LCP2: variants seen among roughly 807,000 people sequenced by gnomAD.
LCP2 encodes 76 kDa tyrosine phosphoprotein.
Under a neutral mutation model 74.5 loss-of-function variants are expected in LCP2, and 29 were observed. That is an observed-to-expected ratio of 0.39 (90% CI 0.29 to 0.53). LCP2 has a LOEUF of 0.53. Ranked by LOEUF, LCP2 falls within the 20% of genes least tolerant of loss-of-function variation. The probability of loss-of-function intolerance (pLI) is 0.72; values close to 1 mark genes in which losing one functional copy is unlikely to be tolerated. For missense variants in LCP2, 604 were observed against 634.6 expected, an observed-to-expected ratio of 0.95 and a Z score of 0.52; for synonymous variants, 228 against 229.5, an observed-to-expected ratio of 0.99 and a Z score of 0.06.
At chr5:170,253,311 A>G in intron 17 of LCP2, 98 bp from the exon 18 acceptor site, 2 of 752,874 alleles carry the variant, frequency 2.7e-6, no homozygotes, top group Non-Finnish European at 4.4e-6. Context: ...CCAAAAAAAT[A>G]CCCTTGCGAT....
At chr5:170,281,428 T>C (rs143188041) in intron 3 of LCP2, among the ~76,000 whole-genome samples, 4,494 of 152,148 alleles carry the variant, frequency 0.03, 108 homozygotes, top group African/African-American at 0.054. Flanking sequence ...TACAGGTGCC[T>C]GCCACCACAC....
intron 3 of LCP2, among the ~76,000 whole-genome samples, chr5:170,282,941 A>G (rs1162445566): frequency 1.3e-5 from 2 of 152,064 alleles, no homozygotes; most frequent in Admixed American, 1.3e-4. Flanking sequence ...TCTCTAACCC[A>G]TTCCTTCCTT....
In LCP2 at chr5:170,268,754, A is replaced by G. The variant is rs991474236; in HGVS notation, c.524-272T>C. Among the ~76,000 whole-genome samples, 11 of 152,152 alleles carry G rather than the reference A, an allele frequency of 7.2e-5. No homozygotes were observed. The South Asian group carries it at 1.7e-3, about 23-fold the overall frequency. On this transcript the variant is annotated intron_variant, in intron 7 of 20. Coordinates refer to ENST00000046794, the MANE Select transcript of LCP2 (RefSeq NM_005565.5). Reference sequence around the variant, plus strand: ...GTATTTATCAGAGATTTTGCCAATCAAGAAAGGCCTCTTTGTAACCAGCTC... The same window carrying G: ...GTATTTATCAGAGATTTTGCCAATCGAGAAAGGCCTCTTTGTAACCAGCTC...
Position 170,297,646 on chromosome 5 carries a change from C to A in LCP2, c.-35G>T. The A allele has an allele frequency of 6.4e-7, 1 of 1,574,518 alleles. No individual in the cohort carries two copies. Among genetic ancestry groups the A allele is most frequent in the Non-Finnish European group, 8.7e-7 (1 of 1,156,022 alleles). On this transcript the variant is annotated 5_prime_UTR_variant, in exon 1 of 21. It removes an upstream start codon present in the reference 5' UTR. Transcript: ENST00000046794. Reference sequence around the variant, plus strand: ...CCCGGGAAGAAGCTCACAAGCTGAGCATGGGCGCTTCACCCATGGGCAGAG... The same window carrying A: ...CCCGGGAAGAAGCTCACAAGCTGAGAATGGGCGCTTCACCCATGGGCAGAG...
In LCP2 at chr5:170,280,134, C is replaced by T. The variant is rs989552598; in HGVS notation, c.189-4274G>A. ...GCTTATGATGTAGAGCGCATTCTTGCCACAGCTCACATAGTAAGAGCTTTG... is the reference window on the plus strand; with the variant it reads ...GCTTATGATGTAGAGCGCATTCTTGTCACAGCTCACATAGTAAGAGCTTTG... On this transcript the variant is annotated intron_variant, in intron 3 of 20. Transcript: ENST00000046794. 4.1e-4 allele frequency among the ~76,000 whole-genome samples: 63 copies of T among 152,202 alleles called. 1 individual carries two copies. The highest frequency in any genetic ancestry group is 1.5e-3 in the African/African-American group (62 of 41,520).
chr5:170,274,002 C>T (rs906335372), intron 6 of LCP2: 4 of 432,430 alleles, frequency 9.3e-6, no homozygotes, highest in Non-Finnish European at 1.7e-5. Flanking sequence ...GCAGCCTACC[C>T]TCTGTGTTTG....
intron 3 of LCP2, among the ~76,000 whole-genome samples, chr5:170,283,273 C>T (rs1482991647): frequency 6.6e-6 from 1 of 152,172 alleles, no homozygotes; most frequent in East Asian, 1.9e-4. Context: ...CCAGCCCATT[C>T]GCAATGTGTT....
intron 2 of LCP2, among the ~76,000 whole-genome samples, chr5:170,289,167 A>G (rs994570949): frequency 1.3e-5 from 2 of 152,184 alleles, no homozygotes; most frequent in East Asian, 3.8e-4. Flanking sequence ...ATACCCACCT[A>G]TCAGGATTGT....
chr5:170,250,991 G>A (rs1287494762), intron 19 of LCP2, 106 bp from the exon 20 acceptor site: 1 of 808,740 alleles, frequency 1.2e-6, no homozygotes, highest in Non-Finnish European at 2.0e-6. Context: ...CATGTCAGTT[G>A]CACTTTGCAG....
At chr5:170,269,418 G>A (rs1466885114) in intron 7 of LCP2, among the ~76,000 whole-genome samples, 1 of 152,166 alleles carries the variant, frequency 6.6e-6, no homozygotes, top group Non-Finnish European at 1.5e-5. Context: ...CAGGGAAAAG[G>A]GTAGGAGCAA....
intron 5 of LCP2, among the ~76,000 whole-genome samples, chr5:170,274,752 A>G (rs573594451): frequency 3.9e-5 from 6 of 152,118 alleles, no homozygotes; most frequent in Non-Finnish European, 7.4e-5. Context: ...CAAGGCGGGC[A>G]GATCATGAGG....
Position 170,264,978 on chromosome 5 carries a change from C to CTTTTTTTTT in LCP2, c.772+1821_772+1829dup, listed in dbSNP as rs58508083. The stretch of plus-strand genomic sequence containing the variant: ...CCTGAATAAGTATTTCAAAATTTGC[C>CTTTTTTTTT]TTTTTTTTTTTTTTTTTTTTTTTTT... On this transcript the variant is annotated intron_variant, in intron 10 of 20. Coordinates refer to ENST00000046794, the MANE Select transcript of LCP2 (RefSeq NM_005565.5). 8.7e-4 allele frequency among the ~76,000 whole-genome samples: 95 copies of CTTTTTTTTT among 108,986 alleles called. 3 individuals carry two copies. Among genetic ancestry groups the CTTTTTTTTT allele is most frequent in the African/African-American group, 3.6e-3 (88 of 24,366 alleles). The allele number at this position is 108,986 out of a possible 152,430, so 71.5% of individuals were successfully genotyped here.
chr5:170,275,636 G>A (rs767371860), intron 4 of LCP2, 159 bp downstream of exon 4: 2 of 693,756 alleles, frequency 2.9e-6, no homozygotes, highest in Non-Finnish European at 5.0e-6. Context: ...GAGCAGGGGA[G>A]GGAACCCCTT....
chr5:170,264,780 C>T (rs1401214475), intron 10 of LCP2, among the ~76,000 whole-genome samples: 1 of 151,784 alleles, frequency 6.6e-6, no homozygotes, highest in East Asian at 1.9e-4. Flanking sequence ...GCCTAGGTGA[C>T]AGAGTGAGAC....
At chr5:170,271,935 C>T (rs1761902995) in intron 6 of LCP2, among the ~76,000 whole-genome samples, 2 of 152,192 alleles carry the variant, frequency 1.3e-5, no homozygotes, top group Admixed American at 6.5e-5. Context: ...TTGTTTTTGA[C>T]TTGAGGAATA....
chr5:170,248,939 A>C (rs937921517), intron 20 of LCP2, 120 bp from the exon 21 acceptor site: 1 of 944,780 alleles, frequency 1.1e-6, no homozygotes. Flanking sequence ...TTGTGGGGGG[A>C]AAAAATGTAA....
At chr5:170,255,784 C>A (rs1446760756) in intron 17 of LCP2, among the ~76,000 whole-genome samples, 1 of 152,210 alleles carries the variant, frequency 6.6e-6, no homozygotes, top group East Asian at 1.9e-4. Flanking sequence ...TCAGGCCTCA[C>A]CCCAGACCTC....
intron 3 of LCP2, among the ~76,000 whole-genome samples, chr5:170,281,931 A>G (rs935218745): frequency 6.6e-6 from 1 of 152,188 alleles, no homozygotes; most frequent in African/African-American, 2.4e-5. Flanking sequence ...CCATCCTTTA[A>G]TGAACTTCAA....
chr5:170,250,929 A>G, intron 19 of LCP2, 44 bp from the exon 20 acceptor site: 1 of 1,559,504 alleles, frequency 6.4e-7, no homozygotes, highest in African/African-American at 1.4e-5. Flanking sequence ...GTAAAAGTCA[A>G]TATTTTTGTT....
Sources: gnomAD v4.1 joint callset for allele counts (sites outside exome capture counted in the v4.1 genomes callset) on GRCh38, gnomAD v4.1.1 for gene constraint, MANE v1.5 for transcripts, NCBI Gene and HGNC (gene_info 2026-07-23, HGNC 2026-07-21) for gene names.